The following VEGFC variants were observed in gnomAD, a reference collection of about 807,000 sequenced individuals.
The protein encoded by VEGFC is vascular endothelial growth factor C, also known as FLT4 ligand DHM.
VEGFC carries 12 observed loss-of-function variants against 46.1 expected under a neutral mutation model. That is an observed-to-expected ratio of 0.26 (90% CI 0.17 to 0.42). VEGFC has a LOEUF of 0.42. VEGFC is among the 10% of genes least tolerant of loss of function. VEGFC has a pLI of 1.00. For missense variants in VEGFC, 488 were observed against 529.4 expected (o/e 0.92, Z 0.77); for synonymous variants, 232 against 195.5 (o/e 1.19, Z -1.56).
In VEGFC at chr4:176,792,412, C is replaced by A; in HGVS notation, c.-101G>T. ...GCGGGCCCCTCCTGGTCCCTCTCCC[C>A]CGGGCTCCTCCCGGCGACCCCCCCT... On this transcript the variant is annotated 5_prime_UTR_variant, in exon 1 of 7. Coordinates refer to ENST00000618562, the MANE Select transcript of VEGFC (RefSeq NM_005429.5). The surrounding 1 kb of genome is among the most constrained non-coding windows in gnomAD (Gnocchi z 6.3). The A allele has an allele frequency of 5.3e-6, 5 of 943,614 alleles. No individual in the cohort carries two copies. The highest frequency in any genetic ancestry group is 7.2e-6 in the Non-Finnish European group (5 of 692,936). The allele number at this position is 943,614 out of a possible 1,614,324, so 58.5% of individuals were successfully genotyped here.
At position 176,683,734 on chromosome 4, in the gene VEGFC, C is replaced by T. The variant is rs1037679976; in HGVS notation, c.*192G>A. The stretch of plus-strand genomic sequence containing the variant: ...GGCTGTTTGGTCATTGGCAGAAAAC[C>T]AGTCTTTACAAGAGGCCTTTTGCAG... On this transcript the variant is annotated 3_prime_UTR_variant, in exon 7 of 7. Transcript: ENST00000618562. 1 of 399,216 alleles carries T rather than the reference C, an allele frequency of 2.5e-6. No homozygotes were observed. Among genetic ancestry groups the T allele is most frequent in the African/African-American group, 2.0e-5 (1 of 48,936 alleles). The allele number at this position is 399,216 out of a possible 1,614,324, so 24.7% of individuals were successfully genotyped here.
At chr4:176,698,896 A>G (rs1323439803) in intron 4 of VEGFC, among the ~76,000 whole-genome samples, 1 of 152,164 alleles carries the variant, frequency 6.6e-6, no homozygotes, top group African/African-American at 2.4e-5. Flanking sequence ...TCTTTGTAAT[A>G]TATTTCTAAT....
rs1358782063 is a variant in VEGFC, at chr4:176,688,002, AT to A, written c.705-76del. The stretch of plus-strand genomic sequence containing the variant: ...AGGGACCATCTCTGCTCACATATGT[AT>A]CAAAATAATGCTCATAGAAAAGCTT... On this transcript the variant is annotated intron_variant, in intron 4 of 6. Transcript: ENST00000618562. 2.9e-5 allele frequency: 21 copies of A among 729,766 alleles called. No homozygotes were observed. In the Admixed American group the frequency reaches 5.4e-4, roughly 19 times the overall value. The allele number at this position is 729,766 out of a possible 1,614,324, so 45.2% of individuals were successfully genotyped here. A position where few individuals can be genotyped will look rare whatever the true frequency, so the allele number is the denominator to read the frequency against.
At chr4:176,694,654 AC>A (rs1239365725) in intron 4 of VEGFC, among the ~76,000 whole-genome samples, 2 of 150,846 alleles carry the variant, frequency 1.3e-5, no homozygotes, top group Non-Finnish European at 3.0e-5. Flanking sequence ...AGAACTCTCC[AC>A]CCCAAATCAA....
intron 3 of VEGFC, among the ~76,000 whole-genome samples, chr4:176,726,099 G>T (rs1201177396): frequency 6.6e-6 from 1 of 152,042 alleles, no homozygotes; most frequent in Non-Finnish European, 1.5e-5. Context: ...TAAAGACTCA[G>T]GGAGGATAAA....
At chr4:176,778,799 C>A (rs1348655689) in intron 1 of VEGFC, among the ~76,000 whole-genome samples, 1 of 152,128 alleles carries the variant, frequency 6.6e-6, no homozygotes, top group Admixed American at 6.5e-5. Context: ...TGTACAGGGA[C>A]AAAACCTTCT....
At chr4:176,741,207 A>G (rs1421289327) in intron 1 of VEGFC, among the ~76,000 whole-genome samples, 1 of 151,952 alleles carries the variant, frequency 6.6e-6, no homozygotes, top group Admixed American at 6.6e-5. Context: ...TTACATTTAA[A>G]TCCTAACATT....
At chr4:176,775,607 T>A (rs189688251) in intron 1 of VEGFC, among the ~76,000 whole-genome samples, 2 of 152,332 alleles carry the variant, frequency 1.3e-5, no homozygotes, top group Non-Finnish European at 2.9e-5. Flanking sequence ...TCCAGCTGTT[T>A]TAAATTTAAA....
intron 3 of VEGFC, among the ~76,000 whole-genome samples, chr4:176,719,991 G>A (rs530758653): frequency 4.1e-4 from 62 of 152,008 alleles, no homozygotes; most frequent in African/African-American, 1.4e-3. Context: ...CCCAGGAGGT[G>A]GAGGTTGCAG....
chr4:176,735,278 T>G (rs1735034920), intron 1 of VEGFC, among the ~76,000 whole-genome samples: 2 of 152,078 alleles, frequency 1.3e-5, no homozygotes, highest in Non-Finnish European at 2.9e-5. Context: ...AAAATATTGT[T>G]CTTTATCCAG....
At chr4:176,704,783 T>A (rs1734496846) in intron 4 of VEGFC, among the ~76,000 whole-genome samples, 1 of 152,178 alleles carries the variant, frequency 6.6e-6, no homozygotes, top group Non-Finnish European at 1.5e-5. Context: ...AAACAGCCCA[T>A]CCTTGGCTGG....
At chr4:176,713,764 C>G (rs1306182741) in intron 3 of VEGFC, among the ~76,000 whole-genome samples, 1 of 152,094 alleles carries the variant, frequency 6.6e-6, no homozygotes, top group Non-Finnish European at 1.5e-5. Flanking sequence ...GGCAAAGGAA[C>G]TAGTGAATAT....
At chr4:176,790,301 C>T (rs981539232) in intron 1 of VEGFC, among the ~76,000 whole-genome samples, 2 of 152,080 alleles carry the variant, frequency 1.3e-5, no homozygotes, top group African/African-American at 2.4e-5. Flanking sequence ...AGGAAAGGAA[C>T]CCACATCACA....
chr4:176,739,560 T>A (rs1466459716), intron 1 of VEGFC, among the ~76,000 whole-genome samples: 5 of 151,548 alleles, frequency 3.3e-5, no homozygotes, highest in Non-Finnish European at 7.4e-5. Context: ...CATGCACACA[T>A]GGGAGGGAAC....
intron 1 of VEGFC, among the ~76,000 whole-genome samples, chr4:176,771,876 T>C (rs1735729127): frequency 6.6e-6 from 1 of 152,208 alleles, no homozygotes; most frequent in Admixed American, 6.5e-5. Context: ...AATTATGGTA[T>C]TCTGTTATCA....
chr4:176,730,681 C>A (rs906600209), intron 1 of VEGFC, among the ~76,000 whole-genome samples: 2 of 152,024 alleles, frequency 1.3e-5, no homozygotes, highest in Non-Finnish European at 2.9e-5. Flanking sequence ...CTGTCCCCCA[C>A]CTCTCCATGG....
chr4:176,778,013 T>C (rs1560964657), intron 1 of VEGFC, among the ~76,000 whole-genome samples: 1 of 150,240 alleles, frequency 6.7e-6, no homozygotes, highest in Non-Finnish European at 1.5e-5. Context: ...ATATGGTTCT[T>C]CAGCTTATTT....
Position 176,683,858 on chromosome 4 carries a change from A to G in VEGFC, c.*68T>C. On this transcript the variant is annotated 3_prime_UTR_variant, in exon 7 of 7. Coordinates refer to ENST00000618562, the MANE Select transcript of VEGFC (RefSeq NM_005429.5). Reference sequence around the variant, plus strand: ...GACCCACAAGGGTCTCTCTGTTCACAGACAGTTCTACTGTGGCAACACAGT... The same window carrying G: ...GACCCACAAGGGTCTCTCTGTTCACGGACAGTTCTACTGTGGCAACACAGT... 7.6e-7 allele frequency: 1 copy of G among 1,314,036 alleles called. No individual in the cohort carries two copies. Among genetic ancestry groups the G allele is most frequent in the Non-Finnish European group, 1.1e-6 (1 of 908,800 alleles). 81.4% of individuals were successfully genotyped at this position (1,314,036 alleles called of 1,614,324 possible).
At chr4:176,787,901 C>T (rs1452170335) in intron 1 of VEGFC, among the ~76,000 whole-genome samples, 1 of 152,128 alleles carries the variant, frequency 6.6e-6, no homozygotes, top group East Asian at 1.9e-4. Flanking sequence ...TCAATGATAA[C>T]TTAATCCACA....
Sources: allele counts gnomAD v4.1 joint callset (sites outside exome capture counted in the v4.1 genomes callset), GRCh38; gene constraint gnomAD v4.1.1; non-coding constraint Gnocchi (gnomAD v3.1); transcripts MANE v1.5; gene names NCBI Gene and HGNC (gene_info 2026-07-23, HGNC 2026-07-21).